RFNG: variants seen among roughly 807,000 people sequenced by gnomAD.
RFNG encodes beta-1,3-N-acetylglucosaminyltransferase radical fringe.
A neutral mutation model predicts 29.6 loss-of-function variants in RFNG; 37 were observed. That is an observed-to-expected ratio of 1.25 (90% CI 0.96 to 1.65). The LOEUF (loss-of-function observed/expected upper bound fraction) is 1.65, where lower values mean the gene tolerates loss of function less well. Ranked by LOEUF, RFNG falls within the 40% of genes most tolerant of loss-of-function variation. RFNG has a pLI of 0.00. For missense variants in RFNG, 546 were observed against 457.0 expected (o/e 1.19, Z -1.78); for synonymous variants, 276 against 197.3 (o/e 1.40, Z -3.34).
rs140019414 is a variant in RFNG at position 82,048,994 on chromosome 17, C to T, written c.914+37G>A. Reference sequence around the variant, plus strand: ...GAGGGAGCTGATGCCAGAGCCCCTGCGGGGCCGAGGGCCTGCCCATGCCAC... The same window carrying T: ...GAGGGAGCTGATGCCAGAGCCCCTGTGGGGCCGAGGGCCTGCCCATGCCAC... On this transcript the variant is annotated intron_variant, in intron 7 of 7. Coordinates refer to ENST00000310496, the MANE Select transcript of RFNG (RefSeq NM_002917.2). 9,970 of 1,591,532 alleles carry T rather than the reference C, an allele frequency of 6.3e-3. 53 individuals are homozygous for T. The highest frequency in any genetic ancestry group is 7.2e-3 in the Non-Finnish European group (8,385 of 1,167,552).
chr17:82,051,719 G>T lies in RFNG; in HGVS notation c.48C>A (p.Ala16=), dbSNP rs2030652430. ...GTAACAGCAGCGCGGCCAGGGCCGC[G>T]GCCAGCGCGAGGCAGGCCCGGCACA... The part of the protein sequence containing the change: ...GALCRACLAL[A]AALAALLLLP... The change falls in exon 1 of 8, where the codon GCC becomes GCA. Residue 16 remains alanine, a synonymous_variant. Coordinates refer to ENST00000310496, the MANE Select transcript of RFNG (RefSeq NM_002917.2). The surrounding 1 kb of genome is among the most constrained non-coding windows in gnomAD (Gnocchi z 4.1). 1.0e-5 allele frequency: 11 copies of T among 1,047,904 alleles called. No individual in the cohort carries two copies. Among genetic ancestry groups the T allele is most frequent in the Admixed American group, 5.6e-5 (1 of 17,760 alleles). The allele number at this position is 1,047,904 out of a possible 1,614,324, so 64.9% of individuals were successfully genotyped here. A position where few individuals can be genotyped will look rare whatever the true frequency, so the allele number is the denominator to read the frequency against.
intron 6 of RFNG, chr17:82,049,463 T>C (rs1238974756): frequency 1.4e-6 from 1 of 719,120 alleles, no homozygotes; most frequent in South Asian, 1.5e-5. Flanking sequence ...ACTGTGCTTC[T>C]CCCCTCGTTC....
At position 82,049,814 on chromosome 17, in the gene RFNG, G is replaced by A. The variant is rs1195631810; in HGVS notation, c.691C>T (p.Gln231Ter). The A allele has an allele frequency of 1.3e-6, 2 of 1,574,892 alleles. No homozygotes were observed. Among genetic ancestry groups the A allele is most frequent in the South Asian group, 1.2e-5 (1 of 85,362 alleles). The change falls in exon 6 of 8, where the codon CAG (glutamine) becomes TAG (stop). Residue 231 changes from glutamine (Q) to a stop codon, truncating the protein, a stop_gained. Coordinates refer to ENST00000310496, the MANE Select transcript of RFNG (RefSeq NM_002917.2). LOFTEE classifies it high-confidence loss of function. ...SLGSFMSTAE[Q>*]VRLPDDCTVG... ...GTGCAGTCATCCGGCAGCCGCACCTGCTCAGCTGTGCTCATGAAGCTGCCC... is the reference window on the plus strand; with the variant it reads ...GTGCAGTCATCCGGCAGCCGCACCTACTCAGCTGTGCTCATGAAGCTGCCC...
Position 82,051,624 on chromosome 17 carries a change from G to T in RFNG, c.143C>A (p.Ser48Tyr). The T allele has an allele frequency of 1.7e-6, 2 of 1,175,990 alleles. No individual in the cohort carries two copies. Among genetic ancestry groups the T allele is most frequent in the Non-Finnish European group, 2.1e-6 (2 of 952,188 alleles). The allele number at this position is 1,175,990 out of a possible 1,614,324, so 72.8% of individuals were successfully genotyped here. Residue 48 changes from serine (S) to tyrosine (Y), a missense_variant, in exon 1 of 8, where the codon TCC (serine) becomes TAC (tyrosine). Coordinates refer to ENST00000310496, the MANE Select transcript of RFNG (RefSeq NM_002917.2). This position sits in a 1 kb window ranked among gnomAD's most constrained non-coding sequence, Gnocchi z 4.1. ...CCGCAGGCTGGGGGCAGCGGGCCGG[G>T]ACGGGGGCGCGCGCGGGGCCGGGGC... Reference protein sequence around the residue: ...TPAPAPRAPPSRPAAPSLRPD... With the variant: ...TPAPAPRAPPYRPAAPSLRPD...
Position 82,049,134 on chromosome 17 carries a change from G to A in RFNG, c.829-18C>T, listed in dbSNP as rs1394206353. ...AAGGTAACCTGGGAGGGAAGGGTGT[G>A]GGCAGAGTGTGTGGCCTGGTCTGGT... On this transcript the variant is annotated intron_variant, in intron 6 of 7. Transcript: ENST00000310496. 1 of 1,605,908 alleles carries A rather than the reference G, an allele frequency of 6.2e-7. No individual in the cohort carries two copies. The highest frequency in any genetic ancestry group is 8.5e-7 in the Non-Finnish European group (1 of 1,173,910).
rs1223040756 is a variant in RFNG at position 82,048,659 on chromosome 17, C to A, written c.*67G>T. ...TGGCACCTGAGGGAGCCCACTGAGC[C>A]CATAGGGGGCTCTGGTTCCCCGCGC... On this transcript the variant is annotated 3_prime_UTR_variant, in exon 8 of 8. Coordinates refer to ENST00000310496, the MANE Select transcript of RFNG (RefSeq NM_002917.2). The A allele has an allele frequency of 7.6e-6, 10 of 1,317,062 alleles. No individual in the cohort carries two copies. Among genetic ancestry groups the A allele is most frequent in the Non-Finnish European group, 1.1e-5 (10 of 919,066 alleles). The allele number at this position is 1,317,062 out of a possible 1,614,324, so 81.6% of individuals were successfully genotyped here.
chr17:82,051,090 G>C lies in RFNG; in HGVS notation c.316+204C>G, dbSNP rs556576082. Reference sequence around the variant, plus strand: ...AGCCCCACGCCCCGGGAAGCGGCTAGTGTGAGAGGCTGGTGGGGAGCAGAG... The same window carrying C: ...AGCCCCACGCCCCGGGAAGCGGCTACTGTGAGAGGCTGGTGGGGAGCAGAG... On this transcript the variant is annotated intron_variant, in intron 2 of 7. Transcript: ENST00000310496. This position sits in a 1 kb window ranked among gnomAD's most constrained non-coding sequence, Gnocchi z 4.1. 7.3e-7 allele frequency: 1 copy of C among 1,369,162 alleles called. No individual in the cohort carries two copies. The highest frequency in any genetic ancestry group is 2.8e-5 in the East Asian group (1 of 35,560). The allele number at this position is 1,369,162 out of a possible 1,614,324, so 84.8% of individuals were successfully genotyped here.
rs1225778807 is a variant in RFNG at position 82,049,780 on chromosome 17, T to C, written c.725A>G (p.Tyr242Cys). The C allele has an allele frequency of 6.5e-7, 1 of 1,532,012 alleles. No individual in the cohort carries two copies. The highest frequency in any genetic ancestry group is 8.7e-7 in the Non-Finnish European group (1 of 1,143,016). 94.9% of individuals were successfully genotyped at this position (1,532,012 alleles called of 1,614,324 possible). Residue 242 changes from tyrosine to cysteine, a missense_variant, in exon 6 of 8, where the codon TAC becomes TGC. Coordinates refer to ENST00000310496, the MANE Select transcript of RFNG (RefSeq NM_002917.2). ...GGCGCCCAGGAGCCCCTCCACGATG[T>C]AGCCAACTGTGCAGTCATCCGGCAG... Reference protein sequence around the residue: ...VRLPDDCTVGYIVEGLLGARL... With the variant: ...VRLPDDCTVGCIVEGLLGARL...
chr17:82,050,327 C>T (rs1043893624), intron 4 of RFNG, 75 bp downstream of exon 4: 1 of 1,478,892 alleles, frequency 6.8e-7, no homozygotes, highest in Non-Finnish European at 9.0e-7. Flanking sequence ...GCCAGCTTTC[C>T]ACGCCCTCTG....
chr17:82,048,863 A>G lies in RFNG; in HGVS notation c.915-56T>C, dbSNP rs535087847. The G allele has an allele frequency of 8.5e-6, 13 of 1,537,542 alleles. No individual in the cohort carries two copies. In the South Asian group the frequency reaches 1.3e-4, roughly 16 times the overall value. The stretch of plus-strand genomic sequence containing the variant: ...GTGGGCGGAGAGAGAAGCGGGGGCC[A>G]GGGCCGTGGGCGGCGGGAGAACCTG... On this transcript the variant is annotated intron_variant, in intron 7 of 7. Coordinates refer to ENST00000310496, the MANE Select transcript of RFNG (RefSeq NM_002917.2).
In RFNG at chr17:82,051,779, A is replaced by G. The variant is rs1598475375; in HGVS notation, c.-13T>C. ...GCGCGCGGCTCATGCGGCCGCCGGG[A>G]CCCCCGGCGCTGCGAGCGGAGAACC... On this transcript the variant is annotated 5_prime_UTR_variant, in exon 1 of 8. Coordinates refer to ENST00000310496, the MANE Select transcript of RFNG (RefSeq NM_002917.2). This position sits in a 1 kb window ranked among gnomAD's most constrained non-coding sequence, Gnocchi z 4.1. The G allele has an allele frequency of 2.7e-6, 3 of 1,109,816 alleles. No homozygotes were observed. The highest frequency in any genetic ancestry group is 3.3e-6 in the Non-Finnish European group (3 of 911,146). The allele number at this position is 1,109,816 out of a possible 1,614,324, so 68.7% of individuals were successfully genotyped here. A position where few individuals can be genotyped will look rare whatever the true frequency, so the allele number is the denominator to read the frequency against.
rs116095529 is a variant in RFNG at position 82,050,670 on chromosome 17, G to A, written c.411C>T (p.Ser137=). The stretch of plus-strand genomic sequence containing the variant: ...GGGTCAGCGCCGCGTACTTGCGCCC[G>A]GACTCAATGAACTTGTCATACTCCA... ...MSVEYDKFIE[S]GRKWFCHVDD... Residue 137 remains serine, a synonymous_variant, in exon 3 of 8, where the codon TCC becomes TCT. Transcript: ENST00000310496. 1,591 of 1,613,110 alleles carry A rather than the reference G, an allele frequency of 9.9e-4. 4 individuals are homozygous for A. The African/African-American group carries it at 0.018, about 18-fold the overall frequency.
In RFNG at chr17:82,049,833, G is replaced by A. The variant is rs2030168369; in HGVS notation, c.672C>T (p.Ser224=). Residue 224 remains serine, a synonymous_variant, in exon 6 of 8, where the codon AGC becomes AGT. Transcript: ENST00000310496. ...GCACCTGCTCAGCTGTGCTCATGAA[G>A]CTGCCCAGGCTGGGGGGAGGCCGGT... ...LKMSPWASLG[S]FMSTAEQVRL... 5 of 1,594,612 alleles carry A rather than the reference G, an allele frequency of 3.1e-6. No individual in the cohort carries two copies. The highest frequency in any genetic ancestry group is 4.3e-6 in the Non-Finnish European group (5 of 1,171,528).
In RFNG at chr17:82,050,755, A is replaced by G; in HGVS notation, c.326T>C (p.Val109Ala). The change falls in exon 3 of 8, where the codon GTC becomes GCC. Residue 109 changes from valine to alanine, a missense_variant. Physicochemically the swap from Val to Ala is moderately conservative, Grantham distance 64. Coordinates refer to ENST00000310496, the MANE Select transcript of RFNG (RefSeq NM_002917.2). ...PELELQGGDRVINTNCSAVRT... is the reference protein window; with the variant it reads ...PELELQGGDRAINTNCSAVRT... ...CACCGCCGAGCAGTTGGTGTTGATG[A>G]CACGGTCGCCTGCGAATCAGAGACG... The G allele has an allele frequency of 1.2e-6, 2 of 1,612,894 alleles. No homozygotes were observed. The highest frequency in any genetic ancestry group is 1.3e-5 in the African/African-American group (1 of 75,042).
chr17:82,048,879 G>A (rs552116504), intron 7 of RFNG, 72 bp from the exon 8 acceptor site: 12 of 1,487,104 alleles, frequency 8.1e-6, no homozygotes, highest in Admixed American at 1.7e-5. Flanking sequence ...GTGGGCGGCG[G>A]GAGAACCTGG....
intron 7 of RFNG, 36 bp downstream of exon 7, chr17:82,048,995 G>A (rs1204324656): frequency 8.7e-6 from 14 of 1,603,104 alleles, no homozygotes; most frequent in African/African-American, 2.7e-5. Context: ...GAGCCCCTGC[G>A]GGGCCGAGGG....
At chr17:82,049,287 C>T (rs185628420) in intron 6 of RFNG, 171 bp from the exon 7 acceptor site, 98 of 710,550 alleles carry the variant, frequency 1.4e-4, no homozygotes, top group Middle Eastern at 2.3e-4. Context: ...AGTAGGGGGA[C>T]ACCTCAGGCA....
rs564243395 is a variant in RFNG at position 82,048,317 on chromosome 17, C to T, written c.*409G>A. On this transcript the variant is annotated 3_prime_UTR_variant, in exon 8 of 8. Transcript: ENST00000310496. ...CTGCCAGGCTGAGCCCTTGCAATGGCCGTGGCTGGGCCAGGACCTTGGCCT... is the reference window on the plus strand; with the variant it reads ...CTGCCAGGCTGAGCCCTTGCAATGGTCGTGGCTGGGCCAGGACCTTGGCCT... The T allele has an allele frequency of 2.2e-4, 51 of 229,594 alleles. 2 individuals are homozygous for T. In the South Asian group the frequency reaches 2.9e-3, roughly 13 times the overall value. 14.2% of individuals were successfully genotyped at this position (229,594 alleles called of 1,614,324 possible). A position where few individuals can be genotyped will look rare whatever the true frequency, so the allele number is the denominator to read the frequency against.
At chr17:82,049,610 G>C in intron 6 of RFNG, 67 bp downstream of exon 6, 1 of 1,457,276 alleles carries the variant, frequency 6.9e-7, no homozygotes, top group Non-Finnish European at 9.1e-7. Flanking sequence ...CGGGGCAGTG[G>C]GGCCCCTGGG....
Sources: allele counts gnomAD v4.1 joint callset, GRCh38; gene constraint gnomAD v4.1.1; non-coding constraint Gnocchi (gnomAD v3.1); transcripts MANE v1.5; gene names NCBI Gene and HGNC (gene_info 2026-07-23, HGNC 2026-07-21).